Variants in SLC44A5 observed in about 807,000 individuals in gnomAD.
The protein encoded by SLC44A5 is choline transporter-like protein 5.
A neutral mutation model predicts 101.8 loss-of-function variants in SLC44A5; 57 were observed. The observed-to-expected ratio is 0.56, with a 90% CI of 0.45 to 0.70. The LOEUF is 0.70. Among genes scored for constraint, SLC44A5 ranks in the 30% least tolerant of loss-of-function variants. The pLI, the probability that SLC44A5 is intolerant of heterozygous loss-of-function variation, is 0.00. For synonymous variants in SLC44A5, 281 were observed against 290.9 expected, an observed-to-expected ratio of 0.97 and a Z score of 0.35; for missense variants, 737 against 853.1, an observed-to-expected ratio of 0.86 and a Z score of 1.70.
At chr1:75,629,604 T>C in the SLC44A5 span, among the ~76,000 whole-genome samples, 1 of 152,132 alleles carries the variant, frequency 6.6e-6, no homozygotes, top group Admixed American at 6.6e-5. Flanking sequence ...ACTCACACTA[T>C]AGCACAGCGA....
chr1:75,717,801 C>T, the SLC44A5 span, among the ~76,000 whole-genome samples: 5 of 152,102 alleles, frequency 3.3e-5, no homozygotes, highest in Non-Finnish European at 7.4e-5. Context: ...GCCAAAAGTT[C>T]GGTGGACCAA....
intron 1 of SLC44A5, 81 bp from the exon 2 acceptor site, chr1:75,541,597 C>G (rs1671358319): frequency 2.4e-6 from 2 of 832,026 alleles, no homozygotes; most frequent in South Asian, 2.2e-5. Flanking sequence ...TGGGAATGCT[C>G]TCATAACTTA....
At chr1:75,668,585 G>C in the SLC44A5 span, among the ~76,000 whole-genome samples, 1 of 151,044 alleles carries the variant, frequency 6.6e-6, no homozygotes, top group Non-Finnish European at 1.5e-5. Context: ...GCCTCCCAAA[G>C]TGCTGTGATT....
chr1:75,651,493 G>A, the SLC44A5 span, among the ~76,000 whole-genome samples: 4 of 151,958 alleles, frequency 2.6e-5, no homozygotes, highest in Admixed American at 6.6e-5. Flanking sequence ...TCAGAAGATC[G>A]AGACCATCCT....
intron 6 of SLC44A5, among the ~76,000 whole-genome samples, chr1:75,268,174 G>C (rs1651158479): frequency 6.6e-6 from 1 of 152,064 alleles, no homozygotes; most frequent in South Asian, 2.1e-4. Context: ...TCTAGTGCTA[G>C]TCCTGGTGTA....
intron 4 of SLC44A5, among the ~76,000 whole-genome samples, chr1:75,328,394 AT>A (rs1317888263): frequency 6.6e-6 from 1 of 152,326 alleles, no homozygotes; most frequent in East Asian, 1.9e-4. Flanking sequence ...AAGAGGAGAT[AT>A]GGGTCAGTTA....
the SLC44A5 span, among the ~76,000 whole-genome samples, chr1:75,684,497 G>C: frequency 1.3e-5 from 2 of 152,066 alleles, no homozygotes; most frequent in African/African-American, 2.4e-5. Flanking sequence ...AGATACAATG[G>C]GGATACAAGC....
intron 4 of SLC44A5, among the ~76,000 whole-genome samples, chr1:75,330,991 A>G (rs1302011862): frequency 7.1e-6 from 1 of 140,386 alleles, no homozygotes; most frequent in Non-Finnish European, 1.5e-5. Context: ...TTTGGCTTCT[A>G]CAACATCTGA....
the SLC44A5 span, among the ~76,000 whole-genome samples, chr1:75,646,803 C>G: frequency 3.3e-5 from 5 of 152,136 alleles, no homozygotes; most frequent in African/African-American, 9.7e-5. Context: ...CCCTAGAGAT[C>G]TGTGGAACTT....
chr1:75,685,278 T>A, the SLC44A5 span, among the ~76,000 whole-genome samples: 145 of 152,262 alleles, frequency 9.5e-4, no homozygotes, highest in African/African-American at 3.4e-3. Flanking sequence ...ACCTTGGACA[T>A]GCCCTGGAAA....
rs1429535320 is a variant in SLC44A5 at position 75,603,758 on chromosome 1, T to TTTTTTG, written c.-70+7281_-70+7282insCAAAAA. On this transcript the variant is annotated intron_variant, in intron 1 of 23. Transcript: ENST00000370859. ...GATGTGGAGCATTTTTTCATGTTTT[T>TTTTTTG]TTTTTTTTTTTTGCTGCTTGTATGT... Among the ~76,000 whole-genome samples, 209 of 149,270 alleles carry TTTTTTG rather than the reference T, an allele frequency of 1.4e-3. 10 individuals are homozygous for TTTTTTG. Among genetic ancestry groups the TTTTTTG allele is most frequent in the African/African-American group, 4.8e-3 (193 of 40,476 alleles).
At chr1:75,474,868 C>T (rs965495143) in intron 2 of SLC44A5, among the ~76,000 whole-genome samples, 4 of 152,164 alleles carry the variant, frequency 2.6e-5, no homozygotes, top group African/African-American at 9.7e-5. Context: ...TTTCAAAAAG[C>T]ATATGTTAGT....
At chr1:75,368,003 T>G in intron 3 of SLC44A5, among the ~76,000 whole-genome samples, 1 of 152,250 alleles carries the variant, frequency 6.6e-6, no homozygotes, top group East Asian at 1.9e-4. Context: ...ATACATTGAT[T>G]GTTTTTGGAA....
the SLC44A5 span, among the ~76,000 whole-genome samples, chr1:75,690,895 C>T: frequency 6.6e-6 from 1 of 151,970 alleles, no homozygotes; most frequent in Non-Finnish European, 1.5e-5. Context: ...TGGGAGGCTG[C>T]AGCAGGCAGA....
chr1:75,637,369 G>A, the SLC44A5 span, among the ~76,000 whole-genome samples: 1 of 151,916 alleles, frequency 6.6e-6, no homozygotes, highest in East Asian at 1.9e-4. Context: ...CAACACTGAT[G>A]AACCTCAAAA....
At chr1:75,595,370 A>C (rs1299018575) in intron 1 of SLC44A5, among the ~76,000 whole-genome samples, 1 of 152,140 alleles carries the variant, frequency 6.6e-6, no homozygotes, top group Non-Finnish European at 1.5e-5. Context: ...CCAGATTTCA[A>C]TATTTCAAAA....
chr1:75,698,306 G>A, the SLC44A5 span, among the ~76,000 whole-genome samples: 6 of 152,286 alleles, frequency 3.9e-5, no homozygotes, highest in African/African-American at 1.4e-4. Flanking sequence ...CTGGAGATCT[G>A]AGAATGGACA....
At chr1:75,685,722 C>G in the SLC44A5 span, among the ~76,000 whole-genome samples, 9 of 152,180 alleles carry the variant, frequency 5.9e-5, no homozygotes, top group East Asian at 1.5e-3. Flanking sequence ...CTTCTGAGCC[C>G]TTCAAACTGT....
chr1:75,695,867 T>C, the SLC44A5 span, among the ~76,000 whole-genome samples: 1 of 150,322 alleles, frequency 6.7e-6, no homozygotes, highest in South Asian at 2.1e-4. Context: ...ATAAACCTGA[T>C]ACTGAAAGGA....
Sources: gnomAD v4.1 joint callset for allele counts (sites outside exome capture counted in the v4.1 genomes callset) on GRCh38, gnomAD v4.1.1 for gene constraint, MANE v1.5 for transcripts, NCBI Gene and HGNC (gene_info 2026-07-23, HGNC 2026-07-21) for gene names.